Variants in DLGAP2 observed in about 807,000 individuals in gnomAD.
DLGAP2 encodes disks large-associated protein 2.
DLGAP2 carries 26 observed loss-of-function variants against 100.3 expected under a neutral mutation model. The ratio of observed to expected loss-of-function variants is 0.26; its 90% CI spans 0.19 to 0.36. DLGAP2 has a LOEUF of 0.36. DLGAP2 is among the 10% of genes least tolerant of loss of function. The pLI is 1.00. For synonymous variants in DLGAP2, 886 were observed against 630.1 expected (o/e 1.41, Z -6.08); for missense variants, 1,858 against 1,453.2 (o/e 1.28, Z -4.53).
intron 3 of DLGAP2, among the ~76,000 whole-genome samples, chr8:1,344,538 T>C (rs1339163763): frequency 6.6e-6 from 1 of 152,170 alleles, no homozygotes; most frequent in Non-Finnish European, 1.5e-5. Context: ...ATTCACATTT[T>C]CTCCATAAGG....
chr8:1,665,942 G>A (rs1168755847), intron 8 of DLGAP2, among the ~76,000 whole-genome samples: 1 of 152,186 alleles, frequency 6.6e-6, no homozygotes, highest in Admixed American at 6.5e-5. Context: ...TGTCCATGTC[G>A]CACTCAACAC....
chr8:1,454,314 A>G (rs1459691528), intron 3 of DLGAP2, among the ~76,000 whole-genome samples: 4 of 151,036 alleles, frequency 2.6e-5, no homozygotes. Flanking sequence ...AGTAGCATCC[A>G]TGGCAGTCTG....
chr8:1,449,526 C>A (rs1335786623), intron 3 of DLGAP2, among the ~76,000 whole-genome samples: 1 of 152,200 alleles, frequency 6.6e-6, no homozygotes, highest in South Asian at 2.1e-4. Context: ...AGCCAAGCTG[C>A]TGGCTTCCAG....
At chr8:1,210,584 C>A (rs1562926) in intron 2 of DLGAP2, among the ~76,000 whole-genome samples, 83,890 of 152,056 alleles carry the variant, frequency 0.55, 25,378 homozygotes, top group African/African-American at 0.81. Context: ...AGAAGTTTCT[C>A]TGGCAGGTGG....
chr8:899,516 C>A (rs1344992227), intron 1 of DLGAP2, among the ~76,000 whole-genome samples: 2 of 152,192 alleles, frequency 1.3e-5, no homozygotes, highest in African/African-American at 2.4e-5. Flanking sequence ...CTGGTCCTGG[C>A]CTCTCTGGCT....
chr8:1,136,184 A>T (rs116738980), intron 2 of DLGAP2, among the ~76,000 whole-genome samples: 1 of 152,132 alleles, frequency 6.6e-6, no homozygotes. Context: ...GGGGCGGGAC[A>T]CCTGCCTTTG....
intron 1 of DLGAP2, among the ~76,000 whole-genome samples, chr8:858,953 A>G (rs758681188): frequency 1.4e-4 from 22 of 152,102 alleles, no homozygotes; most frequent in Non-Finnish European, 2.4e-4. Context: ...ATGGTGGGGA[A>G]ACTGGGGTGG....
chr8:977,496 G>A (rs1281981105), intron 2 of DLGAP2, among the ~76,000 whole-genome samples: 2 of 152,160 alleles, frequency 1.3e-5, no homozygotes, highest in East Asian at 3.9e-4. Flanking sequence ...TCTCCAGTAA[G>A]GTATATTCAA....
intron 6 of DLGAP2, among the ~76,000 whole-genome samples, chr8:1,576,923 A>G (rs1053256516): frequency 2.6e-5 from 4 of 152,180 alleles, no homozygotes; most frequent in South Asian, 4.1e-4. Flanking sequence ...AAACTACTTT[A>G]AAGTTCTTAT....
intron 2 of DLGAP2, among the ~76,000 whole-genome samples, chr8:1,128,759 T>G (rs1226628490): frequency 1.3e-5 from 2 of 152,230 alleles, no homozygotes; most frequent in Admixed American, 1.3e-4. Context: ...TAGTGACTTT[T>G]TATGAGGGTC....
intron 8 of DLGAP2, among the ~76,000 whole-genome samples, chr8:1,638,312 C>T (rs1172973161): frequency 6.6e-6 from 1 of 152,030 alleles, no homozygotes; most frequent in African/African-American, 2.4e-5. Context: ...GTCCGGTGTC[C>T]TTATAAGAAG....
chr8:1,536,372 C>G (rs1211110641), intron 4 of DLGAP2, among the ~76,000 whole-genome samples: 1 of 152,144 alleles, frequency 6.6e-6, no homozygotes, highest in Non-Finnish European at 1.5e-5. Context: ...TCATTTCATA[C>G]CCGAGAACCA....
At chr8:1,647,087 A>C (rs1175946206) in intron 8 of DLGAP2, among the ~76,000 whole-genome samples, 1 of 152,104 alleles carries the variant, frequency 6.6e-6, no homozygotes, top group Non-Finnish European at 1.5e-5. Context: ...AGGCCTGTGG[A>C]CTGATGGTTC....
rs551490643 is a variant in DLGAP2 at position 1,685,090 on chromosome 8, C to T, written c.2705-6445C>T. On this transcript the variant is annotated intron_variant, in intron 12 of 14. Transcript: ENST00000637795. ...GTCCTATTAACACAAGAGCCGGGGTCAGATGTGTGACTTTGTATCTCCTGG... is the reference window on the plus strand; with the variant it reads ...GTCCTATTAACACAAGAGCCGGGGTTAGATGTGTGACTTTGTATCTCCTGG... Among the ~76,000 whole-genome samples the T allele has an allele frequency of 6.9e-4, 105 of 151,716 alleles. 2 individuals carry two copies. Among genetic ancestry groups the T allele is most frequent in the African/African-American group, 2.4e-3 (99 of 41,070 alleles).
intron 1 of DLGAP2, among the ~76,000 whole-genome samples, chr8:745,883 G>A (rs879316960): frequency 6.6e-6 from 1 of 152,186 alleles, no homozygotes; most frequent in Non-Finnish European, 1.5e-5. Context: ...CAGACTGGAA[G>A]GATACCGACT....
Position 876,476 on chromosome 8 carries a change from A to G in DLGAP2, c.19-31436A>G, listed in dbSNP as rs1189058241. 2.6e-5 allele frequency among the ~76,000 whole-genome samples: 4 copies of G among 152,234 alleles called. No homozygotes were observed. In the East Asian group the frequency reaches 5.8e-4, roughly 22 times the overall value. Reference sequence around the variant, plus strand: ...TTATACCACTGCTTTTCTGGCCTCTACTGTTTCTGCTGAGAAGTCAACTAT... The same window carrying G: ...TTATACCACTGCTTTTCTGGCCTCTGCTGTTTCTGCTGAGAAGTCAACTAT... On this transcript the variant is annotated intron_variant, in intron 1 of 14. Coordinates refer to ENST00000637795, the MANE Select transcript of DLGAP2 (RefSeq NM_001346810.2).
intron 3 of DLGAP2, among the ~76,000 whole-genome samples, chr8:1,468,288 TC>T (rs1798681431): frequency 6.6e-6 from 1 of 150,868 alleles, no homozygotes; most frequent in African/African-American, 2.5e-5. Context: ...TGGTCCTGAG[TC>T]CCCAGCAGCC....
intron 3 of DLGAP2, among the ~76,000 whole-genome samples, chr8:1,356,644 A>T (rs942367221): frequency 2.0e-5 from 3 of 152,200 alleles, no homozygotes; most frequent in Non-Finnish European, 2.9e-5. Context: ...ACAGTGGGAT[A>T]TGGTGAAACC....
At chr8:784,505 C>T (rs755504488) in intron 1 of DLGAP2, among the ~76,000 whole-genome samples, 10 of 152,194 alleles carry the variant, frequency 6.6e-5, no homozygotes, top group African/African-American at 2.2e-4. Flanking sequence ...TTAATACTAA[C>T]GTGTTCATAT....
Sources: gnomAD v4.1 joint callset for allele counts (sites outside exome capture counted in the v4.1 genomes callset) on GRCh38, gnomAD v4.1.1 for gene constraint, MANE v1.5 for transcripts, NCBI Gene and HGNC (gene_info 2026-07-23, HGNC 2026-07-21) for gene names.